Variants in PPP6C observed in about 807,000 individuals in gnomAD.
The protein encoded by PPP6C is serine/threonine-protein phosphatase 6 catalytic subunit.
Under a neutral mutation model 39.8 loss-of-function variants are expected in PPP6C, and 11 were observed. The observed-to-expected ratio is 0.28, with a 90% CI of 0.17 to 0.46. The LOEUF is 0.46. PPP6C is among the 20% of genes least tolerant of loss of function. The pLI, the probability that PPP6C is intolerant of heterozygous loss-of-function variation, is 1.00. For synonymous variants in PPP6C, 129 were observed against 130.3 expected (o/e 0.99, Z 0.07); for missense variants, 211 against 373.9 (o/e 0.56, Z 3.59).
chr9:125,158,165 G>A, intron 4 of PPP6C, 76 bp downstream of exon 4: 3 of 1,396,754 alleles, frequency 2.1e-6, no homozygotes, highest in Non-Finnish European at 3.0e-6. Context: ...TAAAGCATGT[G>A]TATGACTTGT....
chr9:125,182,547 G>A (rs1003505527), intron 1 of PPP6C, among the ~76,000 whole-genome samples: 2 of 151,824 alleles, frequency 1.3e-5, no homozygotes, highest in Non-Finnish European at 2.9e-5. Flanking sequence ...TTTATATAAA[G>A]TCTCTACTAT....
chr9:125,174,146 C>G (rs544262051), intron 1 of PPP6C, among the ~76,000 whole-genome samples: 1 of 152,098 alleles, frequency 6.6e-6, no homozygotes, highest in African/African-American at 2.4e-5. Flanking sequence ...TTGGATTTTA[C>G]GATAGGTCTG....
At chr9:125,175,246 G>A (rs1441383486) in intron 1 of PPP6C, among the ~76,000 whole-genome samples, 1 of 151,906 alleles carries the variant, frequency 6.6e-6, no homozygotes, top group Non-Finnish European at 1.5e-5. Flanking sequence ...AGATGCTGGT[G>A]AGTGAAACAA....
chr9:125,185,592 G>C (rs1218083879), intron 1 of PPP6C, among the ~76,000 whole-genome samples: 2 of 151,488 alleles, frequency 1.3e-5, no homozygotes, highest in Non-Finnish European at 2.9e-5. Context: ...TACTCAGGAG[G>C]CTGAGGCAGG....
At position 125,149,574 on chromosome 9, in the gene PPP6C, C is replaced by A; in HGVS notation, c.*99G>T. On this transcript the variant is annotated 3_prime_UTR_variant, in exon 7 of 7. Coordinates refer to ENST00000373547, the MANE Select transcript of PPP6C (RefSeq NM_002721.5). ...AAAAAGGCAAGAGGCAGCATTTCAG[C>A]AGCAAAGTGCTCAATAAAAAGTATA... 7.6e-7 allele frequency: 1 copy of A among 1,318,462 alleles called. No homozygotes were observed. Among genetic ancestry groups the A allele is most frequent in the Non-Finnish European group, 1.0e-6 (1 of 981,886 alleles). 81.7% of individuals were successfully genotyped at this position (1,318,462 alleles called of 1,614,324 possible). A position where few individuals can be genotyped will look rare whatever the true frequency, so the allele number is the denominator to read the frequency against.
At chr9:125,181,554 C>A (rs2131341515) in intron 1 of PPP6C, among the ~76,000 whole-genome samples, 1 of 152,206 alleles carries the variant, frequency 6.6e-6, no homozygotes, top group African/African-American at 2.4e-5. Context: ...TCTCATTGTT[C>A]AACTCCCGCT....
At chr9:125,153,273 C>T (rs1056189258) in intron 6 of PPP6C, among the ~76,000 whole-genome samples, 2 of 151,442 alleles carry the variant, frequency 1.3e-5, no homozygotes, top group African/African-American at 4.9e-5. Context: ...AAGACTCCAT[C>T]TCAAAAACAA....
chr9:125,189,526 A>C, intron 1 of PPP6C, 118 bp downstream of exon 1: 1 of 1,515,604 alleles, frequency 6.6e-7, no homozygotes, highest in South Asian at 1.2e-5. Context: ...TCGACTGGCA[A>C]TGGGGGAGGC....
At position 125,160,878 on chromosome 9, in the gene PPP6C, G is replaced by A; in HGVS notation, c.200C>T (p.Thr67Ile). The change falls in exon 3 of 7, where the codon ACT (threonine) becomes ATT (isoleucine). Residue 67 changes from threonine to isoleucine, a missense_variant. This residue lies in a region of PPP6C where 168 missense variants were observed against 342.6 expected (regional missense o/e 0.49). Coordinates refer to ENST00000373547, the MANE Select transcript of PPP6C (RefSeq NM_002721.5). ...GTTTGTGTCAGGAACCTGACCTCCA[G>A]TTCTGAACAGTTCACAAAGGTCATA... ...QFYDLCELFR[T>I]GGQVPDTNYI... 6.3e-7 allele frequency: 1 copy of A among 1,591,294 alleles called. No homozygotes were observed. The highest frequency in any genetic ancestry group is 8.5e-7 in the Non-Finnish European group (1 of 1,171,088).
chr9:125,188,933 G>A (rs1267767124), intron 1 of PPP6C: 20 of 1,548,194 alleles, frequency 1.3e-5, no homozygotes, highest in Non-Finnish European at 1.7e-5. Flanking sequence ...TTTAGAAAAC[G>A]AAGAAAATGA....
In PPP6C at chr9:125,189,744, A is replaced by G. The variant is rs758747428; in HGVS notation, c.-26T>C. On this transcript the variant is annotated 5_prime_UTR_variant, in exon 1 of 7. Transcript: ENST00000373547. ...TTTAAGAATAACAAGCCGCGGCAACAGCGGCGGCGGCGGCTGTAGCAGCGG... is the reference window on the plus strand; with the variant it reads ...TTTAAGAATAACAAGCCGCGGCAACGGCGGCGGCGGCGGCTGTAGCAGCGG... 4 of 1,559,630 alleles carry G rather than the reference A, an allele frequency of 2.6e-6. No individual in the cohort carries two copies. Among genetic ancestry groups the G allele is most frequent in the Non-Finnish European group, 2.6e-6 (3 of 1,157,234 alleles).
chr9:125,183,663 G>C (rs1276177870), intron 1 of PPP6C, among the ~76,000 whole-genome samples: 1 of 152,140 alleles, frequency 6.6e-6, no homozygotes, highest in Non-Finnish European at 1.5e-5. Context: ...AACCAGCCAT[G>C]TTCTTGCAAA....
At chr9:125,152,300 G>A (rs1835967220) in intron 6 of PPP6C, among the ~76,000 whole-genome samples, 1 of 152,102 alleles carries the variant, frequency 6.6e-6, no homozygotes, top group Admixed American at 6.5e-5. Flanking sequence ...GGGCCCAAAT[G>A]AACACTGTAC....
chr9:125,185,564 G>C (rs1438116056), intron 1 of PPP6C, among the ~76,000 whole-genome samples: 2 of 151,036 alleles, frequency 1.3e-5, no homozygotes, highest in African/African-American at 2.5e-5. Flanking sequence ...AGTGGTGGTG[G>C]GTGCCTGTAA....
chr9:125,176,656 C>G (rs1829304003), intron 1 of PPP6C, among the ~76,000 whole-genome samples: 1 of 151,766 alleles, frequency 6.6e-6, no homozygotes, highest in Non-Finnish European at 1.5e-5. Flanking sequence ...GACCCTTTCT[C>G]AAAATAACAA....
intron 4 of PPP6C, among the ~76,000 whole-genome samples, chr9:125,154,418 C>T (rs1836020801): frequency 6.6e-6 from 1 of 152,304 alleles, no homozygotes; most frequent in East Asian, 1.9e-4. Context: ...AATTTTTCAG[C>T]TCCGTTTTAT....
rs547715691 is a variant in PPP6C at position 125,148,315 on chromosome 9, G to A, written c.*1358C>T. On this transcript the variant is annotated 3_prime_UTR_variant, in exon 7 of 7. Coordinates refer to ENST00000373547, the MANE Select transcript of PPP6C (RefSeq NM_002721.5). Reference sequence around the variant, plus strand: ...AATAACAAAAATTAATCATAGTAAAGGGATACCAACTATTTCACAAAATGT... The same window carrying A: ...AATAACAAAAATTAATCATAGTAAAAGGATACCAACTATTTCACAAAATGT... 6.6e-6 allele frequency: 1 copy of A among 152,142 alleles called. No homozygotes were observed. The highest frequency in any genetic ancestry group is 2.4e-5 in the African/African-American group (1 of 41,520). The allele number at this position is 152,142 out of a possible 1,614,324, so 9.4% of individuals were successfully genotyped here. A position where few individuals can be genotyped will look rare whatever the true frequency, so the allele number is the denominator to read the frequency against.
intron 2 of PPP6C, among the ~76,000 whole-genome samples, chr9:125,161,651 T>TC (rs1365320970): frequency 6.6e-6 from 1 of 152,072 alleles, no homozygotes; most frequent in Non-Finnish European, 1.5e-5. Context: ...CCCAAGCTGG[T>TC]CTCAAACTAC....
intron 1 of PPP6C, among the ~76,000 whole-genome samples, chr9:125,180,225 T>G (rs1252768973): frequency 1.3e-5 from 2 of 152,186 alleles, no homozygotes; most frequent in Non-Finnish European, 2.9e-5. Flanking sequence ...TCAATCCAGT[T>G]AGTCCTTGTG....
Sources: allele counts gnomAD v4.1 joint callset (sites outside exome capture counted in the v4.1 genomes callset), GRCh38; gene constraint gnomAD v4.1.1; regional missense constraint gnomAD v4.1.1; transcripts MANE v1.5; gene names NCBI Gene and HGNC (gene_info 2026-07-23, HGNC 2026-07-21).